NFIA: variants seen among roughly 807,000 people sequenced by gnomAD.
NFIA encodes the protein nuclear factor 1 A-type.
NFIA carries 8 observed loss-of-function variants against 62.8 expected under a neutral mutation model. The observed-to-expected ratio is 0.13, with a 90% CI of 0.07 to 0.23. The LOEUF (loss-of-function observed/expected upper bound fraction) is 0.23. NFIA is among the 10% of genes least tolerant of loss of function. NFIA has a pLI of 1.00. For missense variants in NFIA, 410 were observed against 642.1 expected, an observed-to-expected ratio of 0.64 and a Z score of 3.91; for synonymous variants, 235 against 238.1, an observed-to-expected ratio of 0.99 and a Z score of 0.12.
intron 2 of NFIA, among the ~76,000 whole-genome samples, chr1:61,099,918 G>T (rs1570149289): frequency 6.6e-6 from 1 of 152,288 alleles, no homozygotes; most frequent in Non-Finnish European, 1.5e-5. Context: ...TGAGTAACTT[G>T]TCCAGGGTTA....
At chr1:61,198,617 A>G (rs995129652) in intron 2 of NFIA, among the ~76,000 whole-genome samples, 1 of 152,134 alleles carries the variant, frequency 6.6e-6, no homozygotes, top group African/African-American at 2.4e-5. Flanking sequence ...CTCTATCTGA[A>G]TTGCAGTCGT....
At chr1:61,168,108 T>A (rs1050810617) in intron 2 of NFIA, among the ~76,000 whole-genome samples, 2 of 152,208 alleles carry the variant, frequency 1.3e-5, no homozygotes, top group Non-Finnish European at 2.9e-5. Context: ...AGGTATACAT[T>A]TTTAAGCCAA....
chr1:61,165,758 C>T (rs192549171), intron 2 of NFIA, among the ~76,000 whole-genome samples: 51 of 152,246 alleles, frequency 3.3e-4, no homozygotes, highest in African/African-American at 1.2e-3. Context: ...AAAAGAACCC[C>T]AGATAATCTG....
At chr1:61,344,016 A>G (rs1662075638) in intron 4 of NFIA, among the ~76,000 whole-genome samples, 1 of 152,218 alleles carries the variant, frequency 6.6e-6, no homozygotes, top group Non-Finnish European at 1.5e-5. Context: ...TCTGGCAGAG[A>G]GCACAAATTG....
intron 2 of NFIA, among the ~76,000 whole-genome samples, chr1:61,129,614 A>G (rs191753169): frequency 6.6e-6 from 1 of 151,656 alleles, no homozygotes; most frequent in Non-Finnish European, 1.5e-5. Flanking sequence ...CCGCCTGGGT[A>G]ATTTTTGTAT....
intron 3 of NFIA, among the ~76,000 whole-genome samples, chr1:61,280,663 G>A (rs187176147): frequency 6.6e-6 from 1 of 152,228 alleles, no homozygotes; most frequent in Non-Finnish European, 1.5e-5. Context: ...TGTCCAACTA[G>A]TCTGCTTTTT....
At chr1:61,188,836 C>T (rs985299140) in intron 2 of NFIA, among the ~76,000 whole-genome samples, 3 of 152,200 alleles carry the variant, frequency 2.0e-5, no homozygotes, top group African/African-American at 7.2e-5. Context: ...TAAAGTCATA[C>T]TAATTGGTGC....
chr1:61,169,163 T>C (rs1364383727), intron 2 of NFIA, among the ~76,000 whole-genome samples: 1 of 152,198 alleles, frequency 6.6e-6, no homozygotes. Flanking sequence ...TGAAAGCTTT[T>C]AGATAAATAT....
At chr1:61,204,739 A>T (rs1054538518) in intron 2 of NFIA, among the ~76,000 whole-genome samples, 4 of 152,190 alleles carry the variant, frequency 2.6e-5, no homozygotes, top group African/African-American at 4.8e-5. Context: ...GACCTTCACT[A>T]TAGAACAAAC....
chr1:61,282,407 T>A (rs1658191612), intron 3 of NFIA, among the ~76,000 whole-genome samples: 1 of 152,218 alleles, frequency 6.6e-6, no homozygotes, highest in Non-Finnish European at 1.5e-5. Context: ...AAACAACTTT[T>A]GTGAACTCCC....
intron 2 of NFIA, among the ~76,000 whole-genome samples, chr1:61,112,828 A>G (rs1253812357): frequency 6.6e-6 from 1 of 152,144 alleles, no homozygotes; most frequent in Non-Finnish European, 1.5e-5. Context: ...TTTCATATGC[A>G]TTGATTATTA....
chr1:61,250,637 T>A (rs1181723629), intron 2 of NFIA, among the ~76,000 whole-genome samples: 1 of 152,180 alleles, frequency 6.6e-6, no homozygotes, highest in Non-Finnish European at 1.5e-5. Context: ...TATTGAAATG[T>A]TCTACAGAGC....
chr1:61,111,113 A>G (rs754427786), intron 2 of NFIA, among the ~76,000 whole-genome samples: 32 of 152,302 alleles, frequency 2.1e-4, no homozygotes, highest in Middle Eastern at 6.8e-3. Flanking sequence ...CACAAAAGCT[A>G]TGAAATAGTT....
chr1:61,404,106 A>T lies in NFIA; in HGVS notation c.1078A>T (p.Ser360Cys), dbSNP rs1184859118. 1 of 1,613,890 alleles carries T rather than the reference A, an allele frequency of 6.2e-7. No homozygotes were observed. The highest frequency in any genetic ancestry group is 1.1e-5 in the South Asian group (1 of 91,030). ...CCTGATGTTTTCTTTTCCTGCAGCA[A>T]GTCCGCATGCAACACCATCGACTCT... ...HRPVITGPRA[S>C]PHATPSTLHF... Residue 360 changes from serine to cysteine, a missense_variant and splice_region_variant, in exon 8 of 11, where the codon AGT (serine) becomes TGT (cysteine). This residue lies in a region of NFIA where 298 missense variants were observed against 438.1 expected (regional missense o/e 0.68). Transcript: ENST00000403491.
intron 3 of NFIA, among the ~76,000 whole-genome samples, chr1:61,278,609 G>A (rs1657952297): frequency 6.6e-6 from 1 of 152,170 alleles, no homozygotes; most frequent in South Asian, 2.1e-4. Flanking sequence ...CCAACATGGT[G>A]AAATCATGTC....
chr1:61,439,003 A>ACACG (rs1667457599), intron 10 of NFIA, among the ~76,000 whole-genome samples: 1 of 119,228 alleles, frequency 8.4e-6, no homozygotes, highest in Non-Finnish European at 1.7e-5. Flanking sequence ...ATGCAGACAC[A>ACACG]CACACACACA....
chr1:61,314,384 G>A (rs1332120551), intron 3 of NFIA, among the ~76,000 whole-genome samples: 1 of 152,110 alleles, frequency 6.6e-6, no homozygotes, highest in African/African-American at 2.4e-5. Context: ...TTCAACAAAG[G>A]TTTCTTGGGT....
intron 3 of NFIA, among the ~76,000 whole-genome samples, chr1:61,284,872 G>A (rs1247108310): frequency 5.3e-5 from 8 of 151,968 alleles, no homozygotes; most frequent in East Asian, 3.9e-4. Context: ...CCTCAAATTC[G>A]TTTGTGCCTC....
intron 2 of NFIA, among the ~76,000 whole-genome samples, chr1:61,152,083 A>G (rs1458768143): frequency 6.6e-6 from 1 of 152,072 alleles, no homozygotes; most frequent in African/African-American, 2.4e-5. Context: ...AGGTAACATG[A>G]CCCAATGGGG....
Sources: gnomAD v4.1 joint callset for allele counts (sites outside exome capture counted in the v4.1 genomes callset) on GRCh38, gnomAD v4.1.1 for gene constraint, gnomAD v4.1.1 regional missense constraint, MANE v1.5 for transcripts, NCBI Gene and HGNC (gene_info 2026-07-23, HGNC 2026-07-21) for gene names.